The following DOCK2 variants were observed in gnomAD, a reference collection of about 807,000 sequenced individuals.
The protein encoded by DOCK2 is dedicator of cytokinesis 2.
A neutral mutation model predicts 248.9 loss-of-function variants in DOCK2; 87 were observed. The observed-to-expected ratio is 0.35, with a 90% confidence interval of 0.29 to 0.42. The LOEUF is 0.42. Ranked by LOEUF, DOCK2 falls within the 10% of genes least tolerant of loss-of-function variation. The pLI is 1.00. For synonymous variants in DOCK2, 805 were observed against 821.6 expected, an observed-to-expected ratio of 0.98 and a Z score of 0.35; for missense variants, 1,747 against 2,300.2, an observed-to-expected ratio of 0.76 and a Z score of 4.92.
At chr5:169,846,930 T>C (rs1770352762) in intron 27 of DOCK2, among the ~76,000 whole-genome samples, 1 of 152,084 alleles carries the variant, frequency 6.6e-6, no homozygotes, top group Admixed American at 6.6e-5. Context: ...TAGCTCCCAC[T>C]TATAAGTAAG....
chr5:169,770,468 T>A (rs1331339894), intron 25 of DOCK2, among the ~76,000 whole-genome samples: 1 of 151,588 alleles, frequency 6.6e-6, no homozygotes, highest in Non-Finnish European at 1.5e-5. Flanking sequence ...TGAAGTTTTT[T>A]AAAAAAAACT....
At chr5:169,858,599 T>C (rs1314300126) in intron 27 of DOCK2, among the ~76,000 whole-genome samples, 1 of 152,178 alleles carries the variant, frequency 6.6e-6, no homozygotes, top group Non-Finnish European at 1.5e-5. Context: ...TAGTCTTACT[T>C]CCTAAGTATA....
chr5:169,704,691 C>G (rs185408316), intron 14 of DOCK2, among the ~76,000 whole-genome samples: 1 of 151,850 alleles, frequency 6.6e-6, no homozygotes, highest in Admixed American at 6.5e-5. Flanking sequence ...ACATGGATCC[C>G]CATCTTCCAT....
At chr5:169,659,440 C>G (rs1277279728) in intron 2 of DOCK2, among the ~76,000 whole-genome samples, 1 of 152,126 alleles carries the variant, frequency 6.6e-6, no homozygotes, top group African/African-American at 2.4e-5. Flanking sequence ...TAGTGCTGTA[C>G]TGAAACTGGC....
chr5:170,017,198 G>A (rs555975288), intron 32 of DOCK2, among the ~76,000 whole-genome samples: 6 of 152,138 alleles, frequency 3.9e-5, no homozygotes, highest in South Asian at 2.1e-4. Flanking sequence ...AGCTTTAATC[G>A]CAAGCAGCTG....
intron 27 of DOCK2, among the ~76,000 whole-genome samples, chr5:169,925,299 A>G (rs900968955): frequency 6.6e-6 from 1 of 152,134 alleles, no homozygotes; most frequent in Non-Finnish European, 1.5e-5. Flanking sequence ...TGCAGGTAAG[A>G]CCCTAGGACA....
At position 169,998,459 on chromosome 5, in the gene DOCK2, G is replaced by A. The variant is rs116754658; in HGVS notation, c.3072+2295G>A. Among the ~76,000 whole-genome samples the A allele has an allele frequency of 6.6e-3, 1,008 of 152,344 alleles. 9 individuals are homozygous for A. Among genetic ancestry groups the A allele is most frequent in the Middle Eastern group, 0.041 (12 of 294 alleles). On this transcript the variant is annotated intron_variant, in intron 30 of 51. Coordinates refer to ENST00000520908, the MANE Select transcript of DOCK2 (RefSeq NM_004946.3). ...AAATCAGGCAACTGAGTGACAATGA[G>A]AGCGATAATAAAATGCGTAGCTGCC...
Position 169,654,440 on chromosome 5 carries a change from C to T in DOCK2, c.81C>T (p.Leu27=). The change falls in exon 2 of 52, where the codon CTC becomes CTT. Residue 27 remains leucine, a synonymous_variant. Transcript: ENST00000520908. The part of the protein sequence containing the change: ...YNFQGSGAPQ[L]SLQIGDVVRI... ...TCCAAGGCAGCGGAGCCCCCCAGCT[C>T]TCCCTGCAGATCGGCGATGTGGTGC... 1 of 1,614,206 alleles carries T rather than the reference C, an allele frequency of 6.2e-7. No individual in the cohort carries two copies. Among genetic ancestry groups the T allele is most frequent in the Non-Finnish European group, 8.5e-7 (1 of 1,180,032 alleles).
intron 15 of DOCK2, among the ~76,000 whole-genome samples, chr5:169,709,481 A>G (rs1761456731): frequency 6.6e-6 from 1 of 152,228 alleles, no homozygotes; most frequent in South Asian, 2.1e-4. Flanking sequence ...CAGGTGGATG[A>G]CCTGAGGTCA....
At chr5:169,797,742 A>G (rs1284865002) in intron 25 of DOCK2, among the ~76,000 whole-genome samples, 1 of 152,146 alleles carries the variant, frequency 6.6e-6, no homozygotes, top group Non-Finnish European at 1.5e-5. Context: ...TCTGACATTC[A>G]TTACCTCTGC....
intron 9 of DOCK2, among the ~76,000 whole-genome samples, chr5:169,694,046 A>G (rs1338519753): frequency 6.6e-6 from 1 of 152,222 alleles, no homozygotes; most frequent in Admixed American, 6.5e-5. Flanking sequence ...CCAGGTTGGC[A>G]TACAAAATTT....
At chr5:169,714,589 C>A in intron 19 of DOCK2, 132 bp downstream of exon 19, 5 of 927,474 alleles carry the variant, frequency 5.4e-6, no homozygotes, top group Non-Finnish European at 8.0e-6. Flanking sequence ...TACACTCTCC[C>A]GAGTTGCCTT....
chr5:170,077,715 C>G lies in DOCK2; in HGVS notation c.4872C>G (p.Asp1624Glu), dbSNP rs1757883615. ...ACCCTGTTCTCCCACCACAGCCTGA[C>G]TTTGACGACAGGAGAGTGGGCCGTC... The part of the protein sequence containing the change: ...EKEYGVREMP[D>E]FDDRRVGRPR... The change falls in exon 48 of 52, where the codon GAC (aspartate) becomes GAG (glutamate). Residue 1624 changes from aspartate to glutamate, a missense_variant. Physicochemically the swap from Asp to Glu is conservative, Grantham distance 45. Around this residue, in one of 4 missense-constraint regions of DOCK2, gnomAD observed 513 missense variants for 586.1 expected, o/e 0.88. Transcript: ENST00000520908. 3.1e-6 allele frequency: 5 copies of G among 1,613,752 alleles called. No homozygotes were observed. Among genetic ancestry groups the G allele is most frequent in the Non-Finnish European group, 2.5e-6 (3 of 1,179,858 alleles).
chr5:169,795,866 G>A (rs1715061589), intron 25 of DOCK2, among the ~76,000 whole-genome samples: 1 of 152,196 alleles, frequency 6.6e-6, no homozygotes, highest in Non-Finnish European at 1.5e-5. Context: ...GGTGAGCTGT[G>A]ATATCTATAG....
Position 169,764,792 on chromosome 5 carries a change from T to A in DOCK2, c.2554+3167T>A, listed in dbSNP as rs953398728. 5.3e-5 allele frequency among the ~76,000 whole-genome samples: 8 copies of A among 152,200 alleles called. No homozygotes were observed. Among genetic ancestry groups the A allele is most frequent in the African/African-American group, 1.9e-4 (8 of 41,458 alleles). On this transcript the variant is annotated intron_variant, in intron 25 of 51. Coordinates refer to ENST00000520908, the MANE Select transcript of DOCK2 (RefSeq NM_004946.3). This position sits in a 1 kb window ranked among gnomAD's most constrained non-coding sequence, Gnocchi z 4.3. The stretch of plus-strand genomic sequence containing the variant: ...AGGGTCCGAGAGACACAGGACCTAA[T>A]GAATAAAAGGGCCTTGGTTGGTACA...
chr5:170,067,520 G>A lies in DOCK2; in HGVS notation c.4478G>A (p.Ser1493Asn). 6.2e-7 allele frequency: 1 copy of A among 1,613,914 alleles called. No individual in the cohort carries two copies. Among genetic ancestry groups the A allele is most frequent in the East Asian group, 2.2e-5 (1 of 44,866 alleles). Residue 1493 changes from serine to asparagine, a missense_variant, in exon 45 of 52, where the codon AGT (serine) becomes AAT (asparagine). Around this residue, in one of 4 missense-constraint regions of DOCK2, gnomAD observed 513 missense variants for 586.1 expected, o/e 0.88. Transcript: ENST00000520908. ...TCTCATTTTCAACAGACCACAATTAGTCCTCTGGAGAATGCCATAGAAACC... is the reference window on the plus strand; with the variant it reads ...TCTCATTTTCAACAGACCACAATTAATCCTCTGGAGAATGCCATAGAAACC... ...EVVHMSQTTI[S>N]PLENAIETMS...
intron 27 of DOCK2, among the ~76,000 whole-genome samples, chr5:169,965,516 A>G (rs73327833): frequency 0.012 from 1,888 of 152,284 alleles, 46 homozygotes; most frequent in African/African-American, 0.043. Flanking sequence ...ATTTTTGTCT[A>G]TTGAGCTCAC....
chr5:170,008,194 A>AC (rs1367077992), intron 30 of DOCK2, among the ~76,000 whole-genome samples: 9 of 111,222 alleles, frequency 8.1e-5, no homozygotes, highest in Non-Finnish European at 1.2e-4. Flanking sequence ...CACAAGGACA[A>AC]AAACAACAAC....
At chr5:169,965,797 C>A (rs1197444051) in intron 27 of DOCK2, among the ~76,000 whole-genome samples, 1 of 152,108 alleles carries the variant, frequency 6.6e-6, no homozygotes. Flanking sequence ...GAAACTGAGG[C>A]CTATAGAGGT....
Sources: allele counts gnomAD v4.1 joint callset (sites outside exome capture counted in the v4.1 genomes callset), GRCh38; gene constraint gnomAD v4.1.1; regional missense constraint gnomAD v4.1.1; non-coding constraint Gnocchi (gnomAD v3.1); transcripts MANE v1.5; gene names NCBI Gene and HGNC (gene_info 2026-07-23, HGNC 2026-07-21).